The following TENM2 variants were observed in gnomAD, a reference collection of about 807,000 sequenced individuals.
TENM2 encodes the protein teneurin-2.
TENM2 carries 52 observed loss-of-function variants against 245.2 expected under a neutral mutation model. The observed-to-expected ratio is 0.21, with a 90% CI of 0.17 to 0.27. The LOEUF is 0.27. Among genes scored for constraint, TENM2 ranks in the 10% least tolerant of loss-of-function variants. The pLI is 1.00. For synonymous variants in TENM2, 1,363 were observed against 1,438.9 expected (o/e 0.95, Z 1.19); for missense variants, 3,046 against 3,666.8 (o/e 0.83, Z 4.37).
chr5:168,101,192 A>G (rs1281595968), intron 9 of TENM2, among the ~76,000 whole-genome samples: 1 of 152,178 alleles, frequency 6.6e-6, no homozygotes, highest in Non-Finnish European at 1.5e-5. Context: ...TGTCATTTGA[A>G]TGGCTTTCCT....
the TENM2 span, among the ~76,000 whole-genome samples, chr5:167,228,932 C>T: frequency 6.6e-6 from 1 of 152,024 alleles, no homozygotes; most frequent in East Asian, 1.9e-4. Context: ...GATCTCCTGA[C>T]CTTGTGATCC....
intron 20 of TENM2, among the ~76,000 whole-genome samples, chr5:168,214,485 C>T (rs946096192): frequency 6.6e-6 from 1 of 152,184 alleles, no homozygotes; most frequent in Non-Finnish European, 1.5e-5. Context: ...TATCCATGTC[C>T]ACACTGAAGA....
intron 2 of TENM2, among the ~76,000 whole-genome samples, chr5:167,874,445 T>C (rs141158945): frequency 1.3e-5 from 2 of 152,194 alleles, no homozygotes; most frequent in African/African-American, 4.8e-5. Context: ...TCTGCTGATG[T>C]CTCTACATCA....
At chr5:167,073,178 AT>A in the TENM2 span, among the ~76,000 whole-genome samples, 1 of 151,976 alleles carries the variant, frequency 6.6e-6, no homozygotes, top group African/African-American at 2.4e-5. Context: ...ATTTATTTGC[AT>A]TTTTTTGGGT....
At position 168,192,676 on chromosome 5, in the gene TENM2, T is replaced by TA. The variant is rs537267035; in HGVS notation, c.2780+2134dup. ...AAAGAAACCACAGATCTCTGATAAA[T>TA]AAAAAGCATTTACTCTGCTTGTTAA... On this transcript the variant is annotated intron_variant, in intron 14 of 28. Transcript: ENST00000518659. Among the ~76,000 whole-genome samples the TA allele has an allele frequency of 1.5e-4, 23 of 152,340 alleles. No individual in the cohort carries two copies. In the East Asian group the frequency reaches 4.2e-3, roughly 28 times the overall value.
At chr5:167,203,215 A>G in the TENM2 span, among the ~76,000 whole-genome samples, 1 of 151,948 alleles carries the variant, frequency 6.6e-6, no homozygotes, top group Admixed American at 6.6e-5. Flanking sequence ...TGATCTTGTC[A>G]TTTTTCAAGG....
At chr5:167,190,819 C>T in the TENM2 span, among the ~76,000 whole-genome samples, 7 of 152,136 alleles carry the variant, frequency 4.6e-5, no homozygotes, top group Admixed American at 1.3e-4. Flanking sequence ...AAGTTGCTAA[C>T]GAAACAGGTG....
At chr5:167,397,703 T>A (rs774956374) in intron 2 of TENM2, among the ~76,000 whole-genome samples, 7 of 152,176 alleles carry the variant, frequency 4.6e-5, no homozygotes, top group Non-Finnish European at 8.8e-5. Context: ...CTGTTTCTAT[T>A]CCTGCTGAAA....
intron 2 of TENM2, among the ~76,000 whole-genome samples, chr5:167,401,107 A>T (rs1157524115): frequency 6.6e-6 from 1 of 152,010 alleles, no homozygotes; most frequent in Non-Finnish European, 1.5e-5. Context: ...AAATAAAGAA[A>T]TTTTTACAAA....
intron 5 of TENM2, among the ~76,000 whole-genome samples, chr5:168,028,862 G>T (rs1479499442): frequency 2.0e-5 from 3 of 151,656 alleles, no homozygotes; most frequent in Non-Finnish European, 2.9e-5. Context: ...CCTTAACTAG[G>T]GTCCCTAAAA....
intron 2 of TENM2, among the ~76,000 whole-genome samples, chr5:167,658,036 G>A (rs1277632240): frequency 6.6e-6 from 1 of 152,130 alleles, no homozygotes; most frequent in Non-Finnish European, 1.5e-5. Flanking sequence ...TAGTCTGTTA[G>A]TGCTGTTATG....
At chr5:168,061,935 G>A (rs1790073131) in intron 6 of TENM2, 125 bp from the exon 9 acceptor site, 1 of 859,644 alleles carries the variant, frequency 1.2e-6, no homozygotes, top group Non-Finnish European at 1.7e-6. Flanking sequence ...AAAGAAACTT[G>A]CCATGAGTTT....
the TENM2 span, among the ~76,000 whole-genome samples, chr5:167,098,637 CAT>C: frequency 6.6e-6 from 1 of 152,086 alleles, no homozygotes; most frequent in Non-Finnish European, 1.5e-5. Flanking sequence ...TGAGATGAAA[CAT>C]AAAACTTGAA....
At chr5:167,539,051 G>A (rs557720679) in intron 2 of TENM2, among the ~76,000 whole-genome samples, 55 of 152,074 alleles carry the variant, frequency 3.6e-4, no homozygotes, top group African/African-American at 1.2e-3. Context: ...CTTGTGCTTA[G>A]CTATCATTTC....
At chr5:167,183,274 G>A in the TENM2 span, among the ~76,000 whole-genome samples, 1 of 152,110 alleles carries the variant, frequency 6.6e-6, no homozygotes, top group African/African-American at 2.4e-5. Context: ...CTTACTTGAT[G>A]TATACAGTTT....
intron 12 of TENM2, chr5:168,149,557 A>G: frequency 2.2e-6 from 1 of 451,160 alleles, no homozygotes; most frequent in Non-Finnish European, 4.5e-6. Flanking sequence ...ATAGAGTCAC[A>G]GAGCAGGACA....
chr5:167,462,369 G>A (rs758782637), intron 2 of TENM2, among the ~76,000 whole-genome samples: 1 of 152,086 alleles, frequency 6.6e-6, no homozygotes, highest in Non-Finnish European at 1.5e-5. Context: ...AAGCCCCAGT[G>A]GGCATGTTAC....
chr5:167,711,388 G>A (rs1396066728), intron 2 of TENM2, among the ~76,000 whole-genome samples: 1 of 152,156 alleles, frequency 6.6e-6, no homozygotes, highest in Non-Finnish European at 1.5e-5. Context: ...CCAATTCACT[G>A]CACCACCAGG....
chr5:167,554,962 A>G (rs1345197954), intron 2 of TENM2, among the ~76,000 whole-genome samples: 1 of 152,068 alleles, frequency 6.6e-6, no homozygotes, highest in Non-Finnish European at 1.5e-5. Flanking sequence ...AATCCTTATA[A>G]ATTAATTTTT....
Sources: gnomAD v4.1 joint callset for allele counts (sites outside exome capture counted in the v4.1 genomes callset) on GRCh38, gnomAD v4.1.1 for gene constraint, MANE v1.5 for transcripts, NCBI Gene and HGNC (gene_info 2026-07-23, HGNC 2026-07-21) for gene names.